Variants in ERBB3 observed in about 807,000 individuals in gnomAD.
ERBB3 encodes erb-b2 receptor tyrosine kinase 3, also known as receptor tyrosine-protein kinase erbB-3.
A neutral mutation model predicts 156.7 loss-of-function variants in ERBB3; 96 were observed. The observed-to-expected ratio is 0.61, with a 90% CI of 0.52 to 0.73. The LOEUF is 0.73. Among genes scored for constraint, ERBB3 ranks in the 30% least tolerant of loss-of-function variants. The probability of loss-of-function intolerance (pLI) is 0.00; values close to 1 mark genes in which losing one functional copy is unlikely to be tolerated. For synonymous variants in ERBB3, 567 were observed against 632.0 expected (o/e 0.90, Z 1.54); for missense variants, 1,406 against 1,709.4 (o/e 0.82, Z 3.13).
chr12:56,095,248 C>T lies in ERBB3; in HGVS notation c.1860-9C>T, dbSNP rs368321257. 3.1e-6 allele frequency: 5 copies of T among 1,609,982 alleles called. No homozygotes were observed. Among genetic ancestry groups the T allele is most frequent in the Non-Finnish European group, 4.3e-6 (5 of 1,176,214 alleles). On this transcript the variant is annotated splice_polypyrimidine_tract_variant and intron_variant, in intron 15 of 27. Coordinates refer to ENST00000267101, the MANE Select transcript of ERBB3 (RefSeq NM_001982.4). ...AGCTCTCATTTAAGGTGGTGACTTT[C>T]TTCCCTAGGTGTAAAGGACCAGAGC...
chr12:56,095,709 T>G lies in ERBB3; in HGVS notation c.1958T>G (p.Val653Gly), dbSNP rs1307780742. ...TMALTVIAGL[V>G]VIFMMLGGTF... ...GCTTTGACAGTGATAGCAGGATTGG[T>G]AGTGATTTTCATGATGCTGGGCGGC... Residue 653 changes from valine (V) to glycine (G), a missense_variant, in exon 17 of 28, where the codon GTA becomes GGA. By Grantham distance (109) the Val-to-Gly change is moderately radical (BLOSUM62 -3). This residue lies in a region of ERBB3 where 979 missense variants were observed against 1,219.6 expected (regional missense o/e 0.80). Coordinates refer to ENST00000267101, the MANE Select transcript of ERBB3 (RefSeq NM_001982.4). The G allele has an allele frequency of 6.2e-7, 1 of 1,614,120 alleles. No individual in the cohort carries two copies. The highest frequency in any genetic ancestry group is 2.2e-5 in the East Asian group (1 of 44,884).
intron 9 of ERBB3, among the ~76,000 whole-genome samples, chr12:56,090,891 G>A (rs1319800159): frequency 6.6e-6 from 1 of 152,002 alleles, no homozygotes; most frequent in Admixed American, 6.6e-5. Context: ...TATTATCTAA[G>A]CTACAGACCT....
At position 56,098,772 on chromosome 12, in the gene ERBB3, G is replaced by C; in HGVS notation, c.2706G>C (p.Trp902Cys). 6.2e-7 allele frequency: 1 copy of C among 1,614,120 alleles called. No homozygotes were observed. The highest frequency in any genetic ancestry group is 8.5e-7 in the Non-Finnish European group (1 of 1,180,012). Residue 902 changes from tryptophan (W) to cysteine (C), a missense_variant, in exon 23 of 28, where the codon TGG becomes TGC. Coordinates refer to ENST00000267101, the MANE Select transcript of ERBB3 (RefSeq NM_001982.4). ...SDVWSYGVTVWELMTFGAEPY... is the reference protein window; with the variant it reads ...SDVWSYGVTVCELMTFGAEPY... The stretch of plus-strand genomic sequence containing the variant: ...TTCCTGCAACAGGTGTGACAGTTTG[G>C]GAGTTGATGACCTTCGGGGCAGAGC...
rs2136830762 is a variant in ERBB3 at position 56,101,723 on chromosome 12, G to A, written c.3697G>A (p.Ala1233Thr). Reference sequence around the variant, plus strand: ...CATGGATGTGGGGTCAGACCTCAGTGCCTCTCTGGGCAGCACACAGAGTTG... The same window carrying A: ...CATGGATGTGGGGTCAGACCTCAGTACCTCTCTGGGCAGCACACAGAGTTG... Reference protein sequence around the residue: ...EYMDVGSDLSASLGSTQSCPL... With the variant: ...EYMDVGSDLSTSLGSTQSCPL... The change falls in exon 28 of 28, where the codon GCC becomes ACC. Residue 1233 changes from alanine (A) to threonine (T), a missense_variant. By Grantham distance (58) the Ala-to-Thr change is moderately conservative. This residue lies in a region of ERBB3 where 415 missense variants were observed against 454.1 expected (regional missense o/e 0.91). Transcript: ENST00000267101. The A allele has an allele frequency of 6.2e-7, 1 of 1,613,924 alleles. No individual in the cohort carries two copies. The highest frequency in any genetic ancestry group is 8.5e-7 in the Non-Finnish European group (1 of 1,179,992).
chr12:56,085,571 C>A, intron 3 of ERBB3: 1 of 474,842 alleles, frequency 2.1e-6, no homozygotes, highest in Non-Finnish European at 3.3e-6. Context: ...ATGGCGAAAC[C>A]CTGTCTCTAC....
At position 56,101,927 on chromosome 12, in the gene ERBB3, C is replaced by G. The variant is rs1869124034; in HGVS notation, c.3901C>G (p.Gln1301Glu). The G allele has an allele frequency of 1.9e-6, 3 of 1,613,096 alleles. No individual in the cohort carries two copies. In the East Asian group the frequency reaches 6.7e-5, roughly 36 times the overall value. The stretch of plus-strand genomic sequence containing the variant: ...GAGAGCTTTTCAGGGGCCTGGACAT[C>G]AGGCCCCCCATGTCCATTATGCCCG... ...EMRAFQGPGH[Q>E]APHVHYARLK... The change falls in exon 28 of 28, where the codon CAG (glutamine) becomes GAG (glutamate). Residue 1301 changes from glutamine to glutamate, a missense_variant. Physicochemically the swap from Gln to Glu is conservative, Grantham distance 29 (BLOSUM62 2). This residue lies in a region of ERBB3 where 415 missense variants were observed against 454.1 expected (regional missense o/e 0.91). Transcript: ENST00000267101.
At chr12:56,096,696 G>T (rs1222765759) in intron 18 of ERBB3, 52 bp from the exon 19 acceptor site, 2 of 1,613,154 alleles carry the variant, frequency 1.2e-6, no homozygotes, top group Non-Finnish European at 1.7e-6. Flanking sequence ...TTTTGCATAG[G>T]ATTGACCTAG....
chr12:56,093,272 A>G, intron 11 of ERBB3, 73 bp from the exon 12 acceptor site: 1 of 1,426,500 alleles, frequency 7.0e-7, no homozygotes, highest in South Asian at 1.2e-5. Context: ...AAATTTCTTG[A>G]CTAACATGAA....
Position 56,087,600 on chromosome 12 carries a change from A to C in ERBB3, c.571A>C (p.Lys191Gln), listed in dbSNP as rs1455358872. 1 of 1,614,018 alleles carries C rather than the reference A, an allele frequency of 6.2e-7. No individual in the cohort carries two copies. Among genetic ancestry groups the C allele is most frequent in the East Asian group, 2.2e-5 (1 of 44,894 alleles). ...RSCPPCHEVCKGRCWGPGSED... is the reference protein window; with the variant it reads ...RSCPPCHEVCQGRCWGPGSED... Reference sequence around the variant, plus strand: ...AGGTCCCCCCTGTCATGAGGTTTGCAAGGGGCGATGCTGGGGTCCTGGATC... The same window carrying C: ...AGGTCCCCCCTGTCATGAGGTTTGCCAGGGGCGATGCTGGGGTCCTGGATC... Residue 191 changes from lysine to glutamine, a missense_variant, in exon 5 of 28, where the codon AAG (lysine) becomes CAG (glutamine). Lys to Gln is a moderately conservative substitution (Grantham distance 53). Around this residue, in one of 3 missense-constraint regions of ERBB3, gnomAD observed 979 missense variants for 1,219.6 expected, o/e 0.80. Coordinates refer to ENST00000267101, the MANE Select transcript of ERBB3 (RefSeq NM_001982.4).
At chr12:56,081,659 C>T (rs74094521) in intron 1 of ERBB3, among the ~76,000 whole-genome samples, 3,005 of 152,236 alleles carry the variant, frequency 0.02, 103 homozygotes, top group African/African-American at 0.069. Flanking sequence ...TGGCCACCCT[C>T]CCTGGGGAGG....
chr12:56,095,501 A>G (rs1868860847), intron 16 of ERBB3, 164 bp from the exon 17 acceptor site: 2 of 955,110 alleles, frequency 2.1e-6, no homozygotes, highest in Admixed American at 2.0e-5. Flanking sequence ...TCAGTAGTCT[A>G]AGACTGGTCC....
chr12:56,095,738 TTTCTC>T lies in ERBB3; in HGVS notation c.1989_1993del (p.Phe663LeufsTer10), dbSNP rs778689388. On this transcript the variant is annotated frameshift_variant, in exon 17 of 28. Coordinates refer to ENST00000267101, the MANE Select transcript of ERBB3 (RefSeq NM_001982.4). LOFTEE classifies it high-confidence loss of function. ...GATTTTCATGATGCTGGGCGGCACT[TTTCTC>T]TACTGGCGTGGGCGCCGGATTCAGA... 2 of 1,614,230 alleles carry T rather than the reference TTTCTC, an allele frequency of 1.2e-6. No individual in the cohort carries two copies. The highest frequency in any genetic ancestry group is 1.7e-6 in the Non-Finnish European group (2 of 1,180,038).
intron 20 of ERBB3, 102 bp downstream of exon 20, chr12:56,097,332 C>A: frequency 8.9e-7 from 1 of 1,126,440 alleles, no homozygotes; most frequent in East Asian, 2.5e-5. Context: ...GGTCCCCAAC[C>A]CCCGGGCTGC....
intron 3 of ERBB3, 39 bp from the exon 4 acceptor site, chr12:56,086,492 C>A: frequency 6.2e-7 from 1 of 1,613,548 alleles, no homozygotes; most frequent in East Asian, 2.2e-5. Flanking sequence ...AGGCGTTCCG[C>A]TGCGGCCCTT....
chr12:56,091,103 T>G (rs1263803499), intron 9 of ERBB3, among the ~76,000 whole-genome samples: 1 of 150,116 alleles, frequency 6.7e-6, no homozygotes, highest in East Asian at 2.0e-4. Context: ...AGATTCAAGT[T>G]TTTGTAGTTT....
chr12:56,084,163 G>A (rs76491672), intron 2 of ERBB3, among the ~76,000 whole-genome samples: 1 of 152,156 alleles, frequency 6.6e-6, no homozygotes, highest in African/African-American at 2.4e-5. Context: ...AGGGACTAGT[G>A]CAGAGAGAAA....
At chr12:56,099,784 AAGG>A (rs1186611864) in intron 24 of ERBB3, 39 bp downstream of exon 24, 4 of 1,613,226 alleles carry the variant, frequency 2.5e-6, no homozygotes, top group South Asian at 1.1e-5. Flanking sequence ...AATTTAGAAA[AAGG>A]AGGAGTTGGC....
chr12:56,102,968 G>GA lies in ERBB3; in HGVS notation c.*925dup, dbSNP rs943411484. 0.015 allele frequency: 2,977 copies of GA among 196,188 alleles called. No individual in the cohort carries two copies. Among genetic ancestry groups the GA allele is most frequent in the Middle Eastern group, 0.026 (16 of 626 alleles). The allele number at this position is 196,188 out of a possible 1,614,324, so 12.2% of individuals were successfully genotyped here. A position where few individuals can be genotyped will look rare whatever the true frequency, so the allele number is the denominator to read the frequency against. ...ATAGCAAGACACTGTCTCTACAGGGGAAAAAAAAAAAAGAAACTGAGCCTT... is the reference window on the plus strand; with the variant it reads ...ATAGCAAGACACTGTCTCTACAGGGGAAAAAAAAAAAAAGAAACTGAGCCTT... On this transcript the variant is annotated 3_prime_UTR_variant, in exon 28 of 28. Coordinates refer to ENST00000267101, the MANE Select transcript of ERBB3 (RefSeq NM_001982.4).
intron 3 of ERBB3, among the ~76,000 whole-genome samples, chr12:56,085,971 AG>A (rs1427839352): frequency 1.5e-4 from 22 of 147,626 alleles, no homozygotes; most frequent in African/African-American, 5.3e-4. Flanking sequence ...CGGGAGGCTG[AG>A]GCAGGAGAAT....
Sources: allele counts gnomAD v4.1 joint callset (sites outside exome capture counted in the v4.1 genomes callset), GRCh38; gene constraint gnomAD v4.1.1; regional missense constraint gnomAD v4.1.1; transcripts MANE v1.5; gene names NCBI Gene and HGNC (gene_info 2026-07-23, HGNC 2026-07-21).